HOOK3: variants seen among roughly 807,000 people sequenced by gnomAD.
The protein encoded by HOOK3 is protein Hook homolog 3.
A neutral mutation model predicts 116.3 loss-of-function variants in HOOK3; 24 were observed. That is an observed-to-expected ratio of 0.21 (90% confidence interval 0.15 to 0.29). The LOEUF (loss-of-function observed/expected upper bound fraction) is 0.29, where lower values mean the gene tolerates loss of function less well. HOOK3 is among the 10% of genes least tolerant of loss of function. The pLI is 1.00. For synonymous variants in HOOK3, 275 were observed against 283.0 expected (o/e 0.97, Z 0.28); for missense variants, 632 against 830.2 (o/e 0.76, Z 2.93).
chr8:42,922,250 T>G (rs1366297406), intron 2 of HOOK3, among the ~76,000 whole-genome samples: 1 of 149,376 alleles, frequency 6.7e-6, no homozygotes, highest in African/African-American at 2.6e-5. Context: ...TCATCAAAAT[T>G]TAAAACTTTG....
chr8:42,946,232 C>T (rs1002028597), intron 5 of HOOK3, among the ~76,000 whole-genome samples: 7 of 152,070 alleles, frequency 4.6e-5, no homozygotes, highest in East Asian at 1.9e-4. Context: ...GTATGATGAA[C>T]GCAGAGGTGA....
chr8:42,906,086 CCAAA>C lies in HOOK3; in HGVS notation c.58-86_58-83del, dbSNP rs1286359596. On this transcript the variant is annotated intron_variant, in intron 1 of 21. Coordinates refer to ENST00000307602, the MANE Select transcript of HOOK3 (RefSeq NM_032410.4). Reference sequence around the variant, plus strand: ...TGGGTGACAGGGCTAGACTCCGTCTCCAAAAAAAAAAAAAAAAAAGGCCTAAGAA... The same window carrying C: ...TGGGTGACAGGGCTAGACTCCGTCTCAAAAAAAAAAAAAAAGGCCTAAGAA... 3 of 818,236 alleles carry C rather than the reference CCAAA, an allele frequency of 3.7e-6. No homozygotes were observed. The African/African-American group carries it at 6.2e-5, about 17-fold the overall frequency. The allele number at this position is 818,236 out of a possible 1,614,324, so 50.7% of individuals were successfully genotyped here.
At chr8:42,966,387 A>T in intron 9 of HOOK3, 86 bp from the exon 10 acceptor site, 1 of 1,399,612 alleles carries the variant, frequency 7.1e-7, no homozygotes, top group Non-Finnish European at 9.8e-7. Context: ...CTTTATTCTC[A>T]TGCTTTATAT....
chr8:43,011,805 G>A (rs1331631256), intron 19 of HOOK3, among the ~76,000 whole-genome samples: 1 of 152,222 alleles, frequency 6.6e-6, no homozygotes, highest in Non-Finnish European at 1.5e-5. Flanking sequence ...CTTGAGCCCT[G>A]TGGTTCAAGG....
rs76258922 is a variant in HOOK3 at position 43,028,826 on chromosome 8, T to G, written c.*10328T>G. 824 of 199,268 alleles carry G rather than the reference T, an allele frequency of 4.1e-3. 13 individuals carry two copies. The highest frequency in any genetic ancestry group is 0.018 in the African/African-American group (782 of 43,530). 12.3% of individuals were successfully genotyped at this position (199,268 alleles called of 1,614,324 possible). On this transcript the variant is annotated 3_prime_UTR_variant, in exon 22 of 22. Coordinates refer to ENST00000307602, the MANE Select transcript of HOOK3 (RefSeq NM_032410.4). ...CAGCTTGGTGCTTACAATTATTTTGTTAGGAAATCTTGATGCTTTCTTCTT... is the reference window on the plus strand; with the variant it reads ...CAGCTTGGTGCTTACAATTATTTTGGTAGGAAATCTTGATGCTTTCTTCTT...
chr8:43,008,902 GC>G (rs1329003146), intron 18 of HOOK3, among the ~76,000 whole-genome samples: 2 of 150,828 alleles, frequency 1.3e-5, no homozygotes, highest in East Asian at 4.0e-4. Context: ...CTCGTGATCC[GC>G]CCGCCTCGGC....
chr8:42,999,944 A>C (rs1284157399), intron 16 of HOOK3, among the ~76,000 whole-genome samples: 1 of 152,098 alleles, frequency 6.6e-6, no homozygotes, highest in African/African-American at 2.4e-5. Flanking sequence ...CAGGAGATCG[A>C]GATCATCCTG....
At chr8:42,943,237 C>T (rs1586602864) in intron 4 of HOOK3, 76 bp from the exon 5 acceptor site, 1 of 1,010,204 alleles carries the variant, frequency 9.9e-7, no homozygotes. Context: ...CTGGTAATAA[C>T]AAACCTCGAT....
intron 2 of HOOK3, among the ~76,000 whole-genome samples, chr8:42,909,878 C>A (rs976924828): frequency 1.3e-5 from 2 of 152,192 alleles, no homozygotes; most frequent in Non-Finnish European, 2.9e-5. Flanking sequence ...TATGTGGAAT[C>A]TAAAACAATT....
intron 2 of HOOK3, among the ~76,000 whole-genome samples, chr8:42,924,598 T>C (rs1236747399): frequency 6.6e-6 from 1 of 152,180 alleles, no homozygotes; most frequent in Admixed American, 6.6e-5. Context: ...TGGTGACCTT[T>C]GAAGTATTAG....
intron 13 of HOOK3, among the ~76,000 whole-genome samples, chr8:42,978,854 A>G (rs1808878755): frequency 6.6e-6 from 1 of 152,090 alleles, no homozygotes; most frequent in African/African-American, 2.4e-5. Flanking sequence ...CAGCCAGATA[A>G]CCATTTTCTC....
At chr8:42,919,530 C>G in intron 2 of HOOK3, among the ~76,000 whole-genome samples, 1 of 152,100 alleles carries the variant, frequency 6.6e-6, no homozygotes, top group Non-Finnish European at 1.5e-5. Flanking sequence ...TCCTCACTTC[C>G]TAGACGGGGT....
chr8:43,006,439 C>T (rs879588844), intron 17 of HOOK3, among the ~76,000 whole-genome samples: 6 of 152,152 alleles, frequency 3.9e-5, no homozygotes, highest in East Asian at 1.9e-4. Context: ...CTTAGCCTCC[C>T]GAGTAGCTGA....
At chr8:42,897,749 TG>T (rs1807057214) in intron 1 of HOOK3, among the ~76,000 whole-genome samples, 1 of 152,222 alleles carries the variant, frequency 6.6e-6, no homozygotes, top group African/African-American at 2.4e-5. Context: ...TCGAAGGCCT[TG>T]GGGGACAGAG....
Position 42,958,011 on chromosome 8 carries a change from T to C in HOOK3, c.531+855T>C, listed in dbSNP as rs568117621. 3.9e-5 allele frequency among the ~76,000 whole-genome samples: 6 copies of C among 152,146 alleles called. 1 individual carries two copies. The highest frequency in any genetic ancestry group is 1.4e-4 in the African/African-American group (6 of 41,530). On this transcript the variant is annotated intron_variant, in intron 7 of 21. Coordinates refer to ENST00000307602, the MANE Select transcript of HOOK3 (RefSeq NM_032410.4). ...TGCCCAGCTAATTTTTTTTTGTATTTTTAGTAGAGACGGGGTTTCACCATG... is the reference window on the plus strand; with the variant it reads ...TGCCCAGCTAATTTTTTTTTGTATTCTTAGTAGAGACGGGGTTTCACCATG...
intron 11 of HOOK3, among the ~76,000 whole-genome samples, chr8:42,969,568 T>A (rs1455141265): frequency 6.6e-6 from 1 of 152,208 alleles, no homozygotes; most frequent in Non-Finnish European, 1.5e-5. Flanking sequence ...GAGGCTACAG[T>A]GAGCTATGAT....
intron 15 of HOOK3, among the ~76,000 whole-genome samples, chr8:42,993,766 C>G (rs1247799483): frequency 6.6e-6 from 1 of 152,094 alleles, no homozygotes; most frequent in Non-Finnish European, 1.5e-5. Flanking sequence ...TCCATTTCTT[C>G]TAGATTTTTC....
intron 2 of HOOK3, among the ~76,000 whole-genome samples, chr8:42,906,544 A>T (rs1175369306): frequency 6.6e-6 from 1 of 152,196 alleles, no homozygotes; most frequent in Non-Finnish European, 1.5e-5. Context: ...TTTTGCTGTT[A>T]CAGGGGTATC....
At chr8:42,932,577 A>C in intron 4 of HOOK3, among the ~76,000 whole-genome samples, 1 of 149,856 alleles carries the variant, frequency 6.7e-6, no homozygotes, top group African/African-American at 2.5e-5. Context: ...TCTCCCCCTC[A>C]CCCAGCCCCC....
Sources: gnomAD v4.1 joint callset for allele counts (sites outside exome capture counted in the v4.1 genomes callset) on GRCh38, gnomAD v4.1.1 for gene constraint, MANE v1.5 for transcripts, NCBI Gene and HGNC (gene_info 2026-07-23, HGNC 2026-07-21) for gene names.